Variants in MAD2L1BP observed in about 807,000 individuals in gnomAD.
The protein encoded by MAD2L1BP is MAD2L1-binding protein.
In MAD2L1BP, 22 loss-of-function variants were observed where a neutral mutation model predicts 28.4. The observed-to-expected ratio is 0.77, with a 90% confidence interval of 0.55 to 1.10. The LOEUF (loss-of-function observed/expected upper bound fraction) is 1.10, where lower values mean the gene tolerates loss of function less well. MAD2L1BP is among the 50% of genes least tolerant of loss of function. The pLI is 0.00. For missense variants in MAD2L1BP, 325 were observed against 350.5 expected (o/e 0.93, Z 0.58); for synonymous variants, 146 against 133.7 (o/e 1.09, Z -0.63).
upstream of MAD2L1BP, among the ~76,000 whole-genome samples, chr6:43,632,304 C>G (rs1048995952): frequency 2.0e-5 from 3 of 148,936 alleles, no homozygotes; most frequent in Non-Finnish European, 4.4e-5. Context: ...TTCTGTCACC[C>G]AGGCTGGAAT....
upstream of MAD2L1BP, among the ~76,000 whole-genome samples, chr6:43,634,204 T>TTTTTTTTC (rs1441175707): frequency 6.8e-6 from 1 of 146,404 alleles, no homozygotes; most frequent in Non-Finnish European, 1.5e-5. Flanking sequence ...TCCATCCTTT[T>TTTTTTTTC]TTTTTTTCTT....
upstream of MAD2L1BP, among the ~76,000 whole-genome samples, chr6:43,631,996 T>G (rs1027448961): frequency 5.3e-5 from 8 of 151,128 alleles, no homozygotes; most frequent in African/African-American, 1.9e-4. Context: ...TCCTCCCGGG[T>G]TCAAGCGATT....
In MAD2L1BP at chr6:43,636,504, C is replaced by T. The variant is rs1770229929; in HGVS notation, c.170C>T (p.Pro57Leu). The change falls in exon 2 of 3, where the codon CCA (proline) becomes CTA (leucine). Residue 57 changes from proline to leucine, a missense_variant. Transcript: ENST00000372171. ...TTTTGCCCAAGAGACTGCATGGTAC[C>T]AGTGGTGTTTCCTGGGCCTGTGAGC... ...EAFCPRDCMVPVVFPGPVSQE... is the reference protein window; with the variant it reads ...EAFCPRDCMVLVVFPGPVSQE... 6.2e-7 allele frequency: 1 copy of T among 1,614,182 alleles called. No homozygotes were observed. The highest frequency in any genetic ancestry group is 8.5e-7 in the Non-Finnish European group (1 of 1,180,042).
In MAD2L1BP at chr6:43,635,881, G is replaced by A; in HGVS notation, c.6G>A (p.Ala2=). The A allele has an allele frequency of 6.8e-7, 1 of 1,477,578 alleles. No homozygotes were observed. The highest frequency in any genetic ancestry group is 8.9e-7 in the Non-Finnish European group (1 of 1,120,922). 91.5% of individuals were successfully genotyped at this position (1,477,578 alleles called of 1,614,324 possible). The change falls in exon 1 of 3, where the codon GCG becomes GCA. Residue 2 remains alanine, a synonymous_variant. Transcript: ENST00000372171. M[A]APEAEVLSSA... ...GTAGCGGAGGGGAGGTCGTGATGGC[G>A]GCGCCGGAGGCGGAGGTTCTGTCCT...
At chr6:43,634,273 G>C (rs1481870073), upstream of MAD2L1BP, among the ~76,000 whole-genome samples, 5 of 134,296 alleles carry the variant, frequency 3.7e-5, no homozygotes, top group African/African-American at 1.2e-4. Flanking sequence ...AGGCTGAAGT[G>C]CAGTGGCATG....
chr6:43,640,371 TGGA>T lies in MAD2L1BP; in HGVS notation c.665_667del (p.Gly222del). Reference sequence around the variant, plus strand: ...TCATGGCACAGGGACACCGCAACTGTGGAGAAGATTGGTTTCGACCCAAGCTCA... The same window carrying T: ...TCATGGCACAGGGACACCGCAACTGTGAAGATTGGTTTCGACCCAAGCTCA... On this transcript the variant is annotated inframe_deletion, in exon 3 of 3. Transcript: ENST00000372171. 1 of 1,613,926 alleles carries T rather than the reference TGGA, an allele frequency of 6.2e-7. No homozygotes were observed.
rs1485070200 is a variant in MAD2L1BP at position 43,635,873 on chromosome 6, G to GT, written c.-2dup. ...CGCAAGGAGTAGCGGAGGGGAGGTC[G>GT]TGATGGCGGCGCCGGAGGCGGAGGT... is the stretch of plus-strand genomic sequence containing the variant. On this transcript the variant is annotated 5_prime_UTR_variant, in exon 1 of 3. Coordinates refer to ENST00000372171, the MANE Select transcript of MAD2L1BP (RefSeq NM_014628.3). 1.4e-6 allele frequency: 2 copies of GT among 1,478,636 alleles called. No homozygotes were observed. Among genetic ancestry groups the GT allele is most frequent in the Non-Finnish European group, 1.8e-6 (2 of 1,121,406 alleles). The allele number at this position is 1,478,636 out of a possible 1,614,324, so 91.6% of individuals were successfully genotyped here.
Position 43,640,418 on chromosome 6 carries a change from G to A in MAD2L1BP, c.710G>A (p.Arg237Gln), listed in dbSNP as rs748678660. 11 of 1,613,800 alleles carry A rather than the reference G, an allele frequency of 6.8e-6. No individual in the cohort carries two copies. Among genetic ancestry groups the A allele is most frequent in the Admixed American group, 5.0e-5 (3 of 59,984 alleles). Residue 237 changes from arginine (R) to glutamine (Q), a missense_variant, in exon 3 of 3, where the codon CGG (arginine) becomes CAG (glutamine). Physicochemically the swap from Arg to Gln is conservative, Grantham distance 43. Transcript: ENST00000372171. Reference sequence around the variant, plus strand: ...AAGCTCAACTATCGAGTGCCCAGCCGGGGCCATAAACTGACTGTGACCCTG... The same window carrying A: ...AAGCTCAACTATCGAGTGCCCAGCCAGGGCCATAAACTGACTGTGACCCTG... ...RPKLNYRVPS[R>Q]GHKLTVTLSC...
At chr6:43,639,172 C>G (rs1770428951) in intron 2 of MAD2L1BP, among the ~76,000 whole-genome samples, 1 of 151,730 alleles carries the variant, frequency 6.6e-6, no homozygotes, top group Admixed American at 6.6e-5. Flanking sequence ...CAGAGTCTCG[C>G]TCTGTCACCC....
At chr6:43,639,741 C>T (rs778194682) in intron 2 of MAD2L1BP, among the ~76,000 whole-genome samples, 11 of 152,172 alleles carry the variant, frequency 7.2e-5, no homozygotes, top group Non-Finnish European at 1.6e-4. Context: ...TGTCATGTCA[C>T]CAAATTTCTA....
In MAD2L1BP at chr6:43,640,219, C is replaced by T; in HGVS notation, c.511C>T (p.Leu171=). The T allele has an allele frequency of 3.1e-6, 5 of 1,613,992 alleles. No individual in the cohort carries two copies. Among genetic ancestry groups the T allele is most frequent in the Non-Finnish European group, 4.2e-6 (5 of 1,179,974 alleles). The part of the protein sequence containing the change: ...PKEFYELDLS[L]LAPYSVDQSL... ...GGAGTTCTATGAACTCGACTTGTCT[C>T]TGCTGGCCCCCTACAGCGTGGACCA... The change falls in exon 3 of 3, where the codon CTG becomes TTG. Residue 171 remains leucine, a synonymous_variant. Transcript: ENST00000372171.
At chr6:43,635,101 A>G (rs1770125358), upstream of MAD2L1BP, among the ~76,000 whole-genome samples, 2 of 152,122 alleles carry the variant, frequency 1.3e-5, no homozygotes, top group African/African-American at 4.8e-5. Flanking sequence ...GATTAAATTT[A>G]TAAGATGTAA....
Position 43,640,155 on chromosome 6 carries a change from A to G in MAD2L1BP, c.447A>G (p.Arg149=). 1 of 1,613,070 alleles carries G rather than the reference A, an allele frequency of 6.2e-7. No individual in the cohort carries two copies. Among genetic ancestry groups the G allele is most frequent in the Non-Finnish European group, 8.5e-7 (1 of 1,179,300 alleles). Residue 149 remains arginine, a synonymous_variant, in exon 3 of 3, where the codon CGA becomes CGG. Coordinates refer to ENST00000372171, the MANE Select transcript of MAD2L1BP (RefSeq NM_014628.3). ...TCTTTGCACGGACACTAGTACCGCG[A>G]GTGCTGATTCTCCTTGGGGGCAATG... ...EDFFARTLVP[R]VLILLGGNAL...
In MAD2L1BP at chr6:43,640,452, C is replaced by T; in HGVS notation, c.744C>T (p.Gly248=). 15 of 1,613,706 alleles carry T rather than the reference C, an allele frequency of 9.3e-6. No homozygotes were observed. Among genetic ancestry groups the T allele is most frequent in the Non-Finnish European group, 1.3e-5 (15 of 1,179,950 alleles). The change falls in exon 3 of 3, where the codon GGC becomes GGT. Residue 248 remains glycine, a synonymous_variant. Coordinates refer to ENST00000372171, the MANE Select transcript of MAD2L1BP (RefSeq NM_014628.3). ...AACTGACTGTGACCCTGTCATGTGG[C>T]AGACCTTCCATCCGAACCACGGCTT... ...GHKLTVTLSC[G]RPSIRTTAWE...
intron 1 of MAD2L1BP, among the ~76,000 whole-genome samples, chr6:43,630,033 A>G (rs368721880): frequency 3.9e-5 from 6 of 152,282 alleles, no homozygotes; most frequent in Non-Finnish European, 2.9e-5. Flanking sequence ...AGCAGAACCA[A>G]TCGGGAAGAA....
At chr6:43,639,213 C>T (rs1025783102) in intron 2 of MAD2L1BP, among the ~76,000 whole-genome samples, 3 of 151,782 alleles carry the variant, frequency 2.0e-5, no homozygotes, top group Non-Finnish European at 4.4e-5. Context: ...GATCTCAGCT[C>T]ACTGCAAGCT....
upstream of MAD2L1BP, among the ~76,000 whole-genome samples, chr6:43,632,996 TG>T (rs1390001222): frequency 6.6e-6 from 1 of 151,678 alleles, no homozygotes; most frequent in Non-Finnish European, 1.5e-5. Context: ...CACTCCAGCC[TG>T]GGCAACACGA....
At chr6:43,635,609 C>G (rs1770156729), upstream of MAD2L1BP, among the ~76,000 whole-genome samples, 1 of 152,238 alleles carries the variant, frequency 6.6e-6, no homozygotes, top group Non-Finnish European at 1.5e-5. Flanking sequence ...TGAATAGATG[C>G]AAGAGGGCTG....
upstream of MAD2L1BP, among the ~76,000 whole-genome samples, chr6:43,631,249 G>T (rs1769913372): frequency 6.6e-6 from 1 of 152,150 alleles, no homozygotes; most frequent in Non-Finnish European, 1.5e-5. Context: ...TGAAGGAAAG[G>T]TTATGCCGTA....
Sources: gnomAD v4.1 joint callset for allele counts (sites outside exome capture counted in the v4.1 genomes callset) on GRCh38, gnomAD v4.1.1 for gene constraint, MANE v1.5 for transcripts, NCBI Gene and HGNC (gene_info 2026-07-23, HGNC 2026-07-21) for gene names.